The following CDH13 variants were observed in gnomAD, a reference collection of about 807,000 sequenced individuals.
CDH13 encodes cadherin 13, also known as cadherin-13.
Under a neutral mutation model 63.8 loss-of-function variants are expected in CDH13, and 24 were observed. The observed-to-expected ratio is 0.38, with a 90% CI of 0.27 to 0.53. CDH13 has a LOEUF of 0.53. Ranked by LOEUF, CDH13 falls within the 20% of genes least tolerant of loss-of-function variation. The pLI is 0.85. For missense variants in CDH13, 1,049 were observed against 903.1 expected (o/e 1.16, Z -2.07); for synonymous variants, 503 against 355.3 (o/e 1.42, Z -4.67).
intron 7 of CDH13, among the ~76,000 whole-genome samples, chr16:83,568,338 T>C (rs942525559): frequency 6.6e-6 from 1 of 152,216 alleles, no homozygotes; most frequent in African/African-American, 2.4e-5. Flanking sequence ...CCTTATCTCC[T>C]AGGAAGAAAA....
rs572173836 is a variant in CDH13, at chr16:82,858,526, C to G, written c.157+53C>G. ...TAGACTCTTCTCATATTTGAATTTA[C>G]TAATGTTTATGACTGTGTCTCAGGA... On this transcript the variant is annotated intron_variant, in intron 2 of 13. Coordinates refer to ENST00000567109, the MANE Select transcript of CDH13 (RefSeq NM_001257.5). The G allele has an allele frequency of 9.2e-6, 10 of 1,086,518 alleles. No individual in the cohort carries two copies. In the South Asian group the frequency reaches 1.0e-4, roughly 11 times the overall value. 67.3% of individuals were successfully genotyped at this position (1,086,518 alleles called of 1,614,324 possible).
intron 10 of CDH13, among the ~76,000 whole-genome samples, chr16:83,737,685 C>T (rs770717536): frequency 6.6e-6 from 1 of 152,142 alleles, no homozygotes; most frequent in Non-Finnish European, 1.5e-5. Context: ...ACCTGGAAAA[C>T]ATGTTAAAAA....
Position 83,377,953 on chromosome 16 carries a change from G to T in CDH13, c.781+32947G>T, listed in dbSNP as rs1046008740. 2.6e-5 allele frequency among the ~76,000 whole-genome samples: 4 copies of T among 152,178 alleles called. No homozygotes were observed. In the East Asian group the frequency reaches 7.7e-4, roughly 29 times the overall value. ...AAAGAAGCAGACCATTGAGGTCTTG[G>T]CTTAATGAGTAGAAGATGAATTTGC... is the stretch of plus-strand genomic sequence containing the variant. On this transcript the variant is annotated intron_variant, in intron 6 of 13. Coordinates refer to ENST00000567109, the MANE Select transcript of CDH13 (RefSeq NM_001257.5).
chr16:82,945,644 A>C (rs184764924), intron 2 of CDH13, among the ~76,000 whole-genome samples: 1 of 152,280 alleles, frequency 6.6e-6, no homozygotes, highest in East Asian at 1.9e-4. Flanking sequence ...TGCTGTGAAG[A>C]TACCGCAGGA....
intron 4 of CDH13, among the ~76,000 whole-genome samples, chr16:83,193,743 T>C (rs1233734734): frequency 1.3e-5 from 2 of 152,180 alleles, no homozygotes; most frequent in African/African-American, 4.8e-5. Flanking sequence ...CAAGGAGTGG[T>C]AGAAAAAGAA....
Position 83,704,838 on chromosome 16 carries a change from T to A in CDH13, c.1538+26377T>A, listed in dbSNP as rs141618634. Among the ~76,000 whole-genome samples the A allele has an allele frequency of 3.3e-5, 5 of 152,364 alleles. No individual in the cohort carries two copies. The East Asian group carries it at 9.6e-4, about 29-fold the overall frequency. ...AGGCTCCAATTTCAGGAAAATAGTT[T>A]CAGCATGAGTGAAATCACACTGTTT... On this transcript the variant is annotated intron_variant, in intron 10 of 13. Coordinates refer to ENST00000567109, the MANE Select transcript of CDH13 (RefSeq NM_001257.5).
At chr16:83,345,390 T>G (rs1436804423) in intron 6 of CDH13, among the ~76,000 whole-genome samples, 1 of 152,204 alleles carries the variant, frequency 6.6e-6, no homozygotes, top group African/African-American at 2.4e-5. Flanking sequence ...GTTCTTTCTT[T>G]TCACAGTGGC....
intron 1 of CDH13, among the ~76,000 whole-genome samples, chr16:82,752,057 A>G (rs1240254005): frequency 6.6e-6 from 1 of 152,222 alleles, no homozygotes; most frequent in Non-Finnish European, 1.5e-5. Context: ...GGGAAACAAG[A>G]TGATAGCTGA....
rs1485856760 is a variant in CDH13 at position 83,047,149 on chromosome 16, T to C, written c.366+14931T>C. Among the ~76,000 whole-genome samples the C allele has an allele frequency of 6.6e-6, 1 of 152,192 alleles. No individual in the cohort carries two copies. The highest frequency in any genetic ancestry group is 2.4e-5 in the African/African-American group (1 of 41,450). ...AGCTTTAAACAGTAGTAGTTCTCCGTGAGACCCAAGGAAAGGTCTGCAGAC... is the reference window on the plus strand; with the variant it reads ...AGCTTTAAACAGTAGTAGTTCTCCGCGAGACCCAAGGAAAGGTCTGCAGAC... On this transcript the variant is annotated intron_variant, in intron 3 of 13. Coordinates refer to ENST00000567109, the MANE Select transcript of CDH13 (RefSeq NM_001257.5). The surrounding 1 kb of genome is among the most constrained non-coding windows in gnomAD (Gnocchi z 4.9).
intron 7 of CDH13, among the ~76,000 whole-genome samples, chr16:83,569,619 C>T (rs959010619): frequency 6.6e-6 from 1 of 152,146 alleles, no homozygotes; most frequent in Non-Finnish European, 1.5e-5. Context: ...TATCTTCTTC[C>T]CAAGATAACA....
intron 5 of CDH13, among the ~76,000 whole-genome samples, chr16:83,323,678 A>G (rs969535304): frequency 9.2e-5 from 14 of 152,184 alleles, no homozygotes; most frequent in African/African-American, 3.4e-4. Flanking sequence ...TTTATTTTCT[A>G]CCTGTCTGAA....
At chr16:83,170,539 T>A (rs955117132) in intron 4 of CDH13, among the ~76,000 whole-genome samples, 1 of 152,130 alleles carries the variant, frequency 6.6e-6, no homozygotes, top group African/African-American at 2.4e-5. Flanking sequence ...GCCTTTGAGA[T>A]TTTCCGGACA....
chr16:83,761,570 A>G (rs1035451933), intron 11 of CDH13, among the ~76,000 whole-genome samples: 1 of 152,226 alleles, frequency 6.6e-6, no homozygotes, highest in African/African-American at 2.4e-5. Context: ...TACACTCGGC[A>G]TTTGCCTTAT....
At chr16:83,525,941 G>GA (rs576255253) in intron 7 of CDH13, among the ~76,000 whole-genome samples, 172 of 152,322 alleles carry the variant, frequency 1.1e-3, no homozygotes, top group African/African-American at 3.9e-3. Context: ...AAAAAGTGAA[G>GA]AAATGGAGTT....
At chr16:83,247,981 C>A (rs902400498) in intron 5 of CDH13, among the ~76,000 whole-genome samples, 2 of 152,126 alleles carry the variant, frequency 1.3e-5, no homozygotes, top group East Asian at 3.9e-4. Flanking sequence ...GTCCAGGAAG[C>A]CCCAGGCTGT....
At chr16:83,457,564 C>G (rs1156440715) in intron 6 of CDH13, among the ~76,000 whole-genome samples, 2 of 152,156 alleles carry the variant, frequency 1.3e-5, no homozygotes, top group African/African-American at 4.8e-5. Flanking sequence ...TCATCATCAT[C>G]ATCTACCTCT....
intron 6 of CDH13, among the ~76,000 whole-genome samples, chr16:83,382,269 A>G (rs1238185501): frequency 6.6e-6 from 1 of 152,198 alleles, no homozygotes; most frequent in Non-Finnish European, 1.5e-5. Context: ...GACCAATACT[A>G]GCATCATCTG....
chr16:82,916,405 C>G (rs949506587), intron 2 of CDH13, among the ~76,000 whole-genome samples: 1 of 152,052 alleles, frequency 6.6e-6, no homozygotes, highest in African/African-American at 2.4e-5. Flanking sequence ...GAAACCCCGT[C>G]TCTACTAAAA....
In CDH13 at chr16:83,215,073, C is replaced by CTTTTTTTTTTTTTTTTTTTT. The variant is rs571565652; in HGVS notation, c.484-2270_484-2251dup. ...TTTCATCAGAGAGTATCAAACACCT[C>CTTTTTTTTTTTTTTTTTTTT]TTTTTTTTTTTTTTTTTTTTTGAGA... On this transcript the variant is annotated intron_variant, in intron 4 of 13. Transcript: ENST00000567109. 3.7e-4 allele frequency among the ~76,000 whole-genome samples: 21 copies of CTTTTTTTTTTTTTTTTTTTT among 56,240 alleles called. 6 individuals are homozygous for CTTTTTTTTTTTTTTTTTTTT. The highest frequency in any genetic ancestry group is 1.4e-3 in the African/African-American group (20 of 13,910). The allele number at this position is 56,240 out of a possible 152,430, so 36.9% of individuals were successfully genotyped here.
Sources: allele counts gnomAD v4.1 joint callset (sites outside exome capture counted in the v4.1 genomes callset), GRCh38; gene constraint gnomAD v4.1.1; non-coding constraint Gnocchi (gnomAD v3.1); transcripts MANE v1.5; gene names NCBI Gene and HGNC (gene_info 2026-07-23, HGNC 2026-07-21).